The following DRGX variants were observed in gnomAD, a reference collection of about 807,000 sequenced individuals.
DRGX encodes the protein dorsal root ganglia homeobox protein.
A neutral mutation model predicts 28.6 loss-of-function variants in DRGX; 21 were observed. The observed-to-expected ratio is 0.73, with a 90% CI of 0.52 to 1.06. DRGX has a LOEUF of 1.06. Ranked by LOEUF, DRGX falls within the 50% of genes least tolerant of loss-of-function variation. The pLI, the probability that DRGX is intolerant of heterozygous loss-of-function variation, is 0.00. For missense variants in DRGX, 354 were observed against 343.9 expected (o/e 1.03, Z -0.23); for synonymous variants, 136 against 139.1 (o/e 0.98, Z 0.16).
At chr10:49,375,452 T>C (rs1849706357) in intron 6 of DRGX, among the ~76,000 whole-genome samples, 2 of 152,198 alleles carry the variant, frequency 1.3e-5, no homozygotes, top group South Asian at 4.1e-4. Flanking sequence ...GCTTCCTCAA[T>C]ACCCCATGGA....
At position 49,395,419 on chromosome 10, in the gene DRGX, G is replaced by A. The variant is rs1849956798; in HGVS notation, c.22C>T (p.Pro8Ser). 2 of 1,550,228 alleles carry A rather than the reference G, an allele frequency of 1.3e-6. No individual in the cohort carries two copies. The highest frequency in any genetic ancestry group is 1.2e-5 in the South Asian group (1 of 84,072). ...AGCGCTTACTTACCCTCTAGCTGTGGCGGGCAGTGGAAATAAAACATCGCC... is the reference window on the plus strand; with the variant it reads ...AGCGCTTACTTACCCTCTAGCTGTGACGGGCAGTGGAAATAAAACATCGCC... MFYFHCPPQLEGTATFGN... is the reference protein window; with the variant it reads MFYFHCPSQLEGTATFGN... The change falls in exon 2 of 7, where the codon CCA becomes TCA. Residue 8 changes from proline (P) to serine (S), a missense_variant. Transcript: ENST00000374139.
intron 6 of DRGX, among the ~76,000 whole-genome samples, chr10:49,369,229 G>C (rs1262206797): frequency 6.6e-6 from 1 of 152,190 alleles, no homozygotes; most frequent in Non-Finnish European, 1.5e-5. Flanking sequence ...AAACTTGGAA[G>C]TTAAGAGGAA....
chr10:49,373,304 T>C (rs1458644903), intron 6 of DRGX, among the ~76,000 whole-genome samples: 2 of 152,160 alleles, frequency 1.3e-5, no homozygotes, highest in East Asian at 1.9e-4. Context: ...ATGAAAAAGA[T>C]ACTAATGAAA....
At chr10:49,384,299 A>G (rs1381085657) in intron 6 of DRGX, among the ~76,000 whole-genome samples, 2 of 152,214 alleles carry the variant, frequency 1.3e-5, no homozygotes, top group African/African-American at 2.4e-5. Context: ...GGCTCTGGAA[A>G]CACGGTATGT....
chr10:49,378,024 G>T (rs1849734368), intron 6 of DRGX, among the ~76,000 whole-genome samples: 1 of 151,722 alleles, frequency 6.6e-6, no homozygotes, highest in Non-Finnish European at 1.5e-5. Flanking sequence ...ATCTAATTTG[G>T]GTCTATTCCA....
chr10:49,385,557 AAC>A (rs1849822918), intron 6 of DRGX, among the ~76,000 whole-genome samples: 1 of 152,128 alleles, frequency 6.6e-6, no homozygotes, highest in South Asian at 2.1e-4. Flanking sequence ...CCACCTTTGC[AAC>A]ACAGATTGCC....
chr10:49,394,619 G>A (rs1416716877), intron 2 of DRGX, among the ~76,000 whole-genome samples: 1 of 152,170 alleles, frequency 6.6e-6, no homozygotes, highest in Non-Finnish European at 1.5e-5. Context: ...TGGATCCCTC[G>A]GGTCCTGAGC....
intron 4 of DRGX, 124 bp downstream of exon 4, chr10:49,390,009 A>T: frequency 2.4e-6 from 2 of 832,226 alleles, no homozygotes; most frequent in Non-Finnish European, 3.7e-6. Flanking sequence ...AAAGTGCATC[A>T]TGAAAATGAC....
intron 4 of DRGX, among the ~76,000 whole-genome samples, chr10:49,387,884 C>T (rs10857482): frequency 0.39 from 59,819 of 152,052 alleles, 13,394 homozygotes; most frequent in South Asian, 0.61. Flanking sequence ...AATGGCAGAT[C>T]CACAGTTTGA....
chr10:49,377,750 G>A (rs1027900370), intron 6 of DRGX, among the ~76,000 whole-genome samples: 3 of 152,198 alleles, frequency 2.0e-5, no homozygotes, highest in Admixed American at 6.5e-5. Flanking sequence ...GCAACCTCAC[G>A]AAAGAGCCTA....
Position 49,380,682 on chromosome 10 carries a change from G to C in DRGX, c.526+5796C>G, listed in dbSNP as rs150325246. ...AGCCCCAACCAGGAAATCCTACAAA[G>C]GATATCTCATGGTCAAAAATTGGAG... On this transcript the variant is annotated intron_variant, in intron 6 of 6. Coordinates refer to ENST00000374139, the MANE Select transcript of DRGX (RefSeq NM_001276451.2). Among the ~76,000 whole-genome samples, 313 of 152,294 alleles carry C rather than the reference G, an allele frequency of 2.1e-3. 1 individual carries two copies. Among genetic ancestry groups the C allele is most frequent in the Middle Eastern group, 6.8e-3 (2 of 294 alleles).
chr10:49,391,369 T>C, intron 2 of DRGX, 108 bp from the exon 3 acceptor site: 1 of 806,540 alleles, frequency 1.2e-6, no homozygotes, highest in Non-Finnish European at 2.1e-6. Context: ...CAGGAAGCCC[T>C]GTTTGTCCCA....
intron 3 of DRGX, 144 bp downstream of exon 3, chr10:49,391,020 G>A: frequency 1.1e-6 from 1 of 934,300 alleles, no homozygotes; most frequent in Non-Finnish European, 1.6e-6. Context: ...TGATTCCATG[G>A]CACATAAGTT....
intron 1 of DRGX, 100 bp downstream of exon 1, chr10:49,395,835 G>T (rs1180195459): frequency 7.3e-6 from 2 of 273,954 alleles, no homozygotes; most frequent in Non-Finnish European, 1.4e-5. Flanking sequence ...TCCGGCTAGC[G>T]CGCAAGGCCA....
chr10:49,365,988 G>C lies in DRGX; in HGVS notation c.*128C>G. The C allele has an allele frequency of 1.7e-6, 2 of 1,207,274 alleles. No homozygotes were observed. The highest frequency in any genetic ancestry group is 2.2e-6 in the Non-Finnish European group (2 of 906,510). 74.8% of individuals were successfully genotyped at this position (1,207,274 alleles called of 1,614,324 possible). ...AGGGAGCTGTGGGTCTCACTTGCCC[G>C]TCCTGGGTCCATGCAGAGGCCCTGG... On this transcript the variant is annotated 3_prime_UTR_variant, in exon 7 of 7. Transcript: ENST00000374139.
At chr10:49,377,161 C>T (rs1463061223) in intron 6 of DRGX, among the ~76,000 whole-genome samples, 3 of 152,186 alleles carry the variant, frequency 2.0e-5, no homozygotes, top group Non-Finnish European at 4.4e-5. Flanking sequence ...TAAGAGAGGA[C>T]CTTCTCCCAG....
At chr10:49,395,597 GC>G in intron 1 of DRGX, 76 bp from the exon 2 acceptor site, 1 of 854,586 alleles carries the variant, frequency 1.2e-6, no homozygotes. Flanking sequence ...CGCACCCGGC[GC>G]TCCCCTCCTG....
At chr10:49,384,141 T>C (rs887792469) in intron 6 of DRGX, among the ~76,000 whole-genome samples, 3 of 152,212 alleles carry the variant, frequency 2.0e-5, no homozygotes, top group Admixed American at 6.5e-5. Context: ...TAGCAACATG[T>C]GCCTTTTACC....
intron 6 of DRGX, among the ~76,000 whole-genome samples, chr10:49,374,259 C>G (rs778311121): frequency 1.3e-5 from 2 of 152,266 alleles, no homozygotes; most frequent in Non-Finnish European, 2.9e-5. Context: ...TCTTCATCAC[C>G]CAGTGAAGAC....
Sources: allele counts gnomAD v4.1 joint callset (sites outside exome capture counted in the v4.1 genomes callset), GRCh38; gene constraint gnomAD v4.1.1; transcripts MANE v1.5; gene names NCBI Gene and HGNC (gene_info 2026-07-23, HGNC 2026-07-21).